KAZN: variants seen among roughly 807,000 people sequenced by gnomAD.
KAZN encodes kazrin, periplakin interacting protein.
Under a neutral mutation model 87.4 loss-of-function variants are expected in KAZN, and 40 were observed. The ratio of observed to expected loss-of-function variants is 0.46; its 90% CI spans 0.36 to 0.60. KAZN has a LOEUF of 0.60. KAZN is among the 20% of genes least tolerant of loss of function. The pLI is 0.00. For missense variants in KAZN, 898 were observed against 1,073.9 expected (o/e 0.84, Z 2.29); for synonymous variants, 466 against 458.3 (o/e 1.02, Z -0.22).
chr1:14,836,079 G>A (rs1049828364), intron 1 of KAZN, among the ~76,000 whole-genome samples: 4 of 152,140 alleles, frequency 2.6e-5, no homozygotes, highest in African/African-American at 9.7e-5. Context: ...CCGCTAGCAG[G>A]AGACCTGACC....
chr1:14,334,677 T>TGGGCTG lies in KAZN; in HGVS notation c.249+154101_249+154106dup, dbSNP rs1237527970. Among the ~76,000 whole-genome samples the TGGGCTG allele has an allele frequency of 1.3e-3, 205 of 152,318 alleles. 1 individual carries two copies. In the South Asian group the frequency reaches 0.017, roughly 13 times the overall value. ...GATGAGGTTGCAACCAGCTGAAGGC[T>TGGGCTG]GGGCTGGGGCTGGGGCTGGGGAATC... is the stretch of plus-strand genomic sequence containing the variant. On this transcript the variant is annotated intron_variant, in intron 2 of 16. Transcript: ENST00000636203.
At chr1:14,487,381 G>C (rs1181273251) in intron 2 of KAZN, among the ~76,000 whole-genome samples, 1 of 152,138 alleles carries the variant, frequency 6.6e-6, no homozygotes, top group African/African-American at 2.4e-5. Flanking sequence ...TATAGCCAGT[G>C]AAACAGTTCA....
intron 2 of KAZN, chr1:14,223,209 C>T (rs539577364): frequency 6.6e-6 from 1 of 152,156 alleles, no homozygotes; most frequent in Non-Finnish European, 1.5e-5. Context: ...GCAAGAAACA[C>T]CTTTTGGGGC....
At chr1:14,800,352 A>G (rs1645971280) in intron 1 of KAZN, among the ~76,000 whole-genome samples, 1 of 152,234 alleles carries the variant, frequency 6.6e-6, no homozygotes, top group Non-Finnish European at 1.5e-5. Flanking sequence ...CAAAAGGTGA[A>G]TGAATAAACA....
At chr1:14,739,758 A>C (rs916381924) in intron 1 of KAZN, among the ~76,000 whole-genome samples, 12 of 152,146 alleles carry the variant, frequency 7.9e-5, no homozygotes, top group Non-Finnish European at 1.5e-4. Flanking sequence ...GATTCAAAAA[A>C]AGTGGAAAGC....
intron 1 of KAZN, among the ~76,000 whole-genome samples, chr1:13,905,287 C>A (rs1459941316): frequency 1.3e-5 from 2 of 152,208 alleles, no homozygotes; most frequent in South Asian, 2.1e-4. Context: ...TTACCTCATG[C>A]ACTTTGCAAG....
intron 2 of KAZN, among the ~76,000 whole-genome samples, chr1:15,008,515 G>A (rs546325387): frequency 7.2e-5 from 11 of 152,324 alleles, no homozygotes; most frequent in Non-Finnish European, 1.0e-4. Context: ...ATGCCCTGCC[G>A]GGTTTCCAGA....
rs527385369 is a variant in KAZN at position 13,935,281 on chromosome 1, C to T, written c.91+41525C>T. Among the ~76,000 whole-genome samples, 3 of 57,402 alleles carry T rather than the reference C, an allele frequency of 5.2e-5. No homozygotes were observed. In the South Asian group the frequency reaches 1.8e-3, roughly 34 times the overall value. 37.7% of individuals were successfully genotyped at this position (57,402 alleles called of 152,430 possible). On this transcript the variant is annotated intron_variant, in intron 1 of 16. Transcript: ENST00000636203. ...TAATAATAATAATAAGCCTTCAGTA[C>T]TGACTAAGCATTTTACATATATTCT...
rs1306823365 is a variant in KAZN at position 14,588,820 on chromosome 1, G to T, written c.250-10163G>T. Among the ~76,000 whole-genome samples, 3 of 152,198 alleles carry T rather than the reference G, an allele frequency of 2.0e-5. No individual in the cohort carries two copies. In the East Asian group the frequency reaches 5.8e-4, roughly 29 times the overall value. On this transcript the variant is annotated intron_variant, in intron 2 of 16. Coordinates refer to the KAZN transcript ENST00000636203. Reference sequence around the variant, plus strand: ...AGGACTCCCTCGGGGTTCCTCACTGGCAGGGGAAGAATGAAGCTCAGTTTC... The same window carrying T: ...AGGACTCCCTCGGGGTTCCTCACTGTCAGGGGAAGAATGAAGCTCAGTTTC...
chr1:14,848,712 A>G (rs1386812041), intron 1 of KAZN, among the ~76,000 whole-genome samples: 1 of 152,122 alleles, frequency 6.6e-6, no homozygotes, highest in Non-Finnish European at 1.5e-5. Context: ...TCTCCCCGTG[A>G]GTGATTAAAA....
intron 1 of KAZN, among the ~76,000 whole-genome samples, chr1:14,161,230 G>T (rs1645702895): frequency 6.6e-6 from 1 of 152,196 alleles, no homozygotes; most frequent in South Asian, 2.1e-4. Flanking sequence ...CATCCAAACA[G>T]AGCAGCTTAA....
intron 1 of KAZN, among the ~76,000 whole-genome samples, chr1:13,999,346 T>TAAAAAAC (rs112870915): frequency 6.7e-6 from 1 of 149,492 alleles, no homozygotes; most frequent in Non-Finnish European, 1.5e-5. Context: ...AGACTCCATC[T>TAAAAAAC]AAAAAACAAA....
chr1:14,068,066 G>T lies in KAZN; in HGVS notation c.92-112369G>T, dbSNP rs150692192. 9.9e-3 allele frequency among the ~76,000 whole-genome samples: 1,511 copies of T among 152,264 alleles called. 16 individuals carry two copies. The highest frequency in any genetic ancestry group is 0.017 in the Non-Finnish European group (1,173 of 68,022). On this transcript the variant is annotated intron_variant, in intron 1 of 16. Coordinates refer to the KAZN transcript ENST00000636203. ...TGGCATGCCAACTCCTGGATTTAGG[G>T]GTAGGTGGAGCCCGCCTTAACTGCT...
At chr1:14,438,041 C>T (rs1319217405) in intron 2 of KAZN, among the ~76,000 whole-genome samples, 1 of 151,598 alleles carries the variant, frequency 6.6e-6, no homozygotes, top group East Asian at 1.9e-4. Flanking sequence ...CCTTTTCTCT[C>T]CTTCTGCCAC....
At chr1:13,986,055 G>A (rs1639000547) in intron 1 of KAZN, among the ~76,000 whole-genome samples, 1 of 152,144 alleles carries the variant, frequency 6.6e-6, no homozygotes, top group Admixed American at 6.5e-5. Context: ...GGGTCATATG[G>A]TAACTCTGTT....
intron 1 of KAZN, among the ~76,000 whole-genome samples, chr1:14,835,976 A>G (rs1647232268): frequency 6.6e-6 from 1 of 152,254 alleles, no homozygotes; most frequent in Admixed American, 6.5e-5. Flanking sequence ...TGCTGGTAAC[A>G]GCTGGGTTGG....
At chr1:14,582,156 C>G (rs1291883433) in intron 2 of KAZN, among the ~76,000 whole-genome samples, 3 of 152,090 alleles carry the variant, frequency 2.0e-5, no homozygotes, top group African/African-American at 7.2e-5. Context: ...CAAAAAAAAC[C>G]TAAAGTTTAG....
At chr1:15,072,999 C>T (rs1008585712) in intron 8 of KAZN, among the ~76,000 whole-genome samples, 2 of 152,136 alleles carry the variant, frequency 1.3e-5, no homozygotes, top group African/African-American at 4.8e-5. Flanking sequence ...AAACTGTGTT[C>T]CATGGAACCC....
At chr1:14,170,390 T>A (rs902893104) in intron 1 of KAZN, among the ~76,000 whole-genome samples, 15 of 150,962 alleles carry the variant, frequency 9.9e-5, no homozygotes, top group African/African-American at 1.5e-4. Context: ...AAAAAAAAAA[T>A]AGGTCTGGCT....
Sources: gnomAD v4.1 joint callset for allele counts (sites outside exome capture counted in the v4.1 genomes callset) on GRCh38, gnomAD v4.1.1 for gene constraint, MANE v1.5 for transcripts, NCBI Gene and HGNC (gene_info 2026-07-23, HGNC 2026-07-21) for gene names.